Variants in SGMS1 observed in about 807,000 individuals in gnomAD.
The protein encoded by SGMS1 is sphingomyelin synthase 1, also known as phosphatidylcholine:ceramide cholinephosphotransferase 1.
A neutral mutation model predicts 46.2 loss-of-function variants in SGMS1; 13 were observed. The observed-to-expected ratio is 0.28, with a 90% confidence interval of 0.18 to 0.45. The LOEUF (loss-of-function observed/expected upper bound fraction) is 0.45, where lower values mean the gene tolerates loss of function less well. Among genes scored for constraint, SGMS1 ranks in the 20% least tolerant of loss-of-function variants. The pLI is 1.00. For missense variants in SGMS1, 324 were observed against 519.9 expected, an observed-to-expected ratio of 0.62 and a Z score of 3.66; for synonymous variants, 203 against 187.8, an observed-to-expected ratio of 1.08 and a Z score of -0.66.
At chr10:50,382,568 T>TACACACACACACACACACACACACAC (rs57835243) in intron 6 of SGMS1, among the ~76,000 whole-genome samples, 7 of 142,750 alleles carry the variant, frequency 4.9e-5, no homozygotes, top group African/African-American at 1.3e-4. Flanking sequence ...AACACACACA[T>TACACACACACACACACACACACACAC]ACACACACAC....
At chr10:50,379,966 G>A (rs949465767) in intron 6 of SGMS1, among the ~76,000 whole-genome samples, 1 of 152,140 alleles carries the variant, frequency 6.6e-6, no homozygotes, top group African/African-American at 2.4e-5. Context: ...CCAGCAGACT[G>A]AGCATTATTC....
chr10:50,619,320 C>T (rs1838826239), intron 1 of SGMS1, among the ~76,000 whole-genome samples: 1 of 152,026 alleles, frequency 6.6e-6, no homozygotes, highest in Non-Finnish European at 1.5e-5. Flanking sequence ...AAGGATCTCA[C>T]AAATAAAATG....
At chr10:50,569,202 G>A (rs543588851) in intron 2 of SGMS1, among the ~76,000 whole-genome samples, 3 of 149,674 alleles carry the variant, frequency 2.0e-5, no homozygotes, top group Non-Finnish European at 4.4e-5. Context: ...ACCTAACGTA[G>A]ATAACAGGTT....
At chr10:50,408,300 A>G (rs999055012) in intron 6 of SGMS1, among the ~76,000 whole-genome samples, 10 of 151,946 alleles carry the variant, frequency 6.6e-5, no homozygotes, top group Admixed American at 5.9e-4. Flanking sequence ...CATTCTAGTC[A>G]CAGTTTAAAA....
At chr10:50,460,128 T>G (rs569784374) in intron 5 of SGMS1, 21 of 152,098 alleles carry the variant, frequency 1.4e-4, no homozygotes, top group Admixed American at 1.1e-3. Flanking sequence ...TGATGATACA[T>G]TGTTGAGGAG....
chr10:50,553,064 T>C (rs1040062081), intron 2 of SGMS1, among the ~76,000 whole-genome samples: 3 of 152,174 alleles, frequency 2.0e-5, no homozygotes, highest in African/African-American at 7.2e-5. Flanking sequence ...TTACAGCAGC[T>C]ACAGAAATGA....
intron 8 of SGMS1, among the ~76,000 whole-genome samples, chr10:50,319,112 G>A (rs1847397696): frequency 1.4e-5 from 2 of 147,490 alleles, no homozygotes; most frequent in Non-Finnish European, 1.5e-5. Context: ...TCTCCTTTAA[G>A]TGTTGGAGGA....
chr10:50,545,212 G>C (rs1034636585), intron 2 of SGMS1, among the ~76,000 whole-genome samples: 3 of 152,148 alleles, frequency 2.0e-5, no homozygotes, highest in Admixed American at 2.0e-4. Context: ...AAGGTTCCTA[G>C]TGTCACAGAA....
intron 2 of SGMS1, among the ~76,000 whole-genome samples, chr10:50,575,928 T>G (rs1288522734): frequency 6.6e-6 from 1 of 152,146 alleles, no homozygotes; most frequent in Non-Finnish European, 1.5e-5. Context: ...TTTCTGATCT[T>G]CCCAGAGCTG....
intron 3 of SGMS1, among the ~76,000 whole-genome samples, chr10:50,497,789 A>G (rs2133751254): frequency 6.6e-6 from 1 of 152,086 alleles, no homozygotes; most frequent in South Asian, 2.1e-4. Flanking sequence ...AGCAAAACTC[A>G]TCTAAAAAAA....
intron 2 of SGMS1, among the ~76,000 whole-genome samples, chr10:50,555,788 A>C (rs1838185173): frequency 6.6e-6 from 1 of 152,228 alleles, no homozygotes; most frequent in South Asian, 2.1e-4. Flanking sequence ...TTGACCTCAA[A>C]CTAAAATCAG....
At chr10:50,438,172 G>A (rs1849498251) in intron 5 of SGMS1, among the ~76,000 whole-genome samples, 1 of 152,208 alleles carries the variant, frequency 6.6e-6, no homozygotes, top group South Asian at 2.1e-4. Flanking sequence ...TGGCCCCCTT[G>A]ATCTCTGTCT....
chr10:50,493,622 GAA>G (rs77665729), intron 3 of SGMS1, among the ~76,000 whole-genome samples: 1 of 150,304 alleles, frequency 6.7e-6, no homozygotes, highest in East Asian at 2.0e-4. Flanking sequence ...AAATTTACAA[GAA>G]AAAAACAACC....
chr10:50,617,189 G>A (rs1838806505), intron 1 of SGMS1, among the ~76,000 whole-genome samples: 1 of 152,174 alleles, frequency 6.6e-6, no homozygotes, highest in Non-Finnish European at 1.5e-5. Flanking sequence ...TGACAACAAT[G>A]TAAATGTACT....
intron 6 of SGMS1, among the ~76,000 whole-genome samples, chr10:50,382,306 G>C (rs1489606967): frequency 4.6e-5 from 7 of 151,988 alleles, no homozygotes; most frequent in Admixed American, 2.0e-4. Flanking sequence ...TATCTTCTTG[G>C]AAAATGTTCA....
At chr10:50,309,983 C>A (rs1564870129) in intron 9 of SGMS1, among the ~76,000 whole-genome samples, 1 of 152,196 alleles carries the variant, frequency 6.6e-6, no homozygotes, top group Non-Finnish European at 1.5e-5. Context: ...GGTCCCCCAT[C>A]CAGTCCATCC....
intron 6 of SGMS1, among the ~76,000 whole-genome samples, chr10:50,403,864 A>G (rs1391557141): frequency 6.6e-6 from 1 of 151,626 alleles, no homozygotes; most frequent in Non-Finnish European, 1.5e-5. Context: ...CTCAGGCCAC[A>G]AAAACAGCAG....
intron 9 of SGMS1, among the ~76,000 whole-genome samples, chr10:50,309,821 G>A (rs1847228429): frequency 1.3e-5 from 2 of 152,092 alleles, no homozygotes; most frequent in Non-Finnish European, 2.9e-5. Context: ...TCCACTACCT[G>A]TTTTCTCTAC....
At chr10:50,417,626 C>T (rs930235766) in intron 6 of SGMS1, among the ~76,000 whole-genome samples, 1 of 152,134 alleles carries the variant, frequency 6.6e-6, no homozygotes, top group South Asian at 2.1e-4. Flanking sequence ...TCCAACCAAC[C>T]AAAGGAGTTG....
Sources: gnomAD v4.1 joint callset for allele counts (sites outside exome capture counted in the v4.1 genomes callset) on GRCh38, gnomAD v4.1.1 for gene constraint, MANE v1.5 for transcripts, NCBI Gene and HGNC (gene_info 2026-07-23, HGNC 2026-07-21) for gene names.